HMCN1: variants seen among roughly 807,000 people sequenced by gnomAD.
The protein encoded by HMCN1 is hemicentin-1.
Under a neutral mutation model 625.9 loss-of-function variants are expected in HMCN1, and 321 were observed. The ratio of observed to expected loss-of-function variants is 0.51; its 90% CI spans 0.47 to 0.56. HMCN1 has a LOEUF of 0.56. HMCN1 is among the 20% of genes least tolerant of loss of function. The pLI, the probability that HMCN1 is intolerant of heterozygous loss-of-function variation, is 0.00. For missense variants in HMCN1, 6,588 were observed against 6,887.3 expected (o/e 0.96, Z 1.54); for synonymous variants, 2,425 against 2,417.6 (o/e 1.00, Z -0.09).
intron 8 of HMCN1, among the ~76,000 whole-genome samples, chr1:185,924,587 G>A (rs1214320681): frequency 6.6e-6 from 1 of 151,922 alleles, no homozygotes; most frequent in Non-Finnish European, 1.5e-5. Context: ...CCTCATATAC[G>A]ATATTCAAAT....
intron 1 of HMCN1, among the ~76,000 whole-genome samples, chr1:185,778,525 G>A (rs920173592): frequency 1.5e-5 from 2 of 130,046 alleles, no homozygotes; most frequent in South Asian, 2.4e-4. Context: ...TCCCCAGTGT[G>A]TGGTGTTCCC....
At position 185,995,036 on chromosome 1, in the gene HMCN1, G is replaced by T; in HGVS notation, c.3727G>T (p.Ala1243Ser). ...AGATGCTGGCATATATACATGTGTTGCTACTAACATAGCAGGCACTGATGA... is the reference window on the plus strand; with the variant it reads ...AGATGCTGGCATATATACATGTGTTTCTACTAACATAGCAGGCACTGATGA... ...PSDAGIYTCV[A>S]TNIAGTDETE... The change falls in exon 24 of 107, where the codon GCT (alanine) becomes TCT (serine). Residue 1243 changes from alanine (A) to serine (S), a missense_variant. Physicochemically the swap from Ala to Ser is moderately conservative, Grantham distance 99 (BLOSUM62 1). Around this residue, in one of 3 missense-constraint regions of HMCN1, gnomAD observed 4,628 missense variants for 4,853.1 expected, o/e 0.95. Transcript: ENST00000271588. 4 of 1,613,736 alleles carry T rather than the reference G, an allele frequency of 2.5e-6. No homozygotes were observed. Among genetic ancestry groups the T allele is most frequent in the Non-Finnish European group, 3.4e-6 (4 of 1,179,770 alleles).
At chr1:185,928,913 A>C (rs1457716539) in intron 10 of HMCN1, among the ~76,000 whole-genome samples, 1 of 152,190 alleles carries the variant, frequency 6.6e-6, no homozygotes. Context: ...CATAATAACA[A>C]GAACCGTCTC....
chr1:185,993,504 G>T, intron 23 of HMCN1, 195 bp downstream of exon 23: 1 of 561,834 alleles, frequency 1.8e-6, no homozygotes, highest in Non-Finnish European at 3.1e-6. Flanking sequence ...ACAATCTTCT[G>T]TTTCTTCCTT....
intron 4 of HMCN1, among the ~76,000 whole-genome samples, chr1:185,871,551 GT>G: frequency 6.6e-6 from 1 of 152,212 alleles, no homozygotes; most frequent in African/African-American, 2.4e-5. Flanking sequence ...TCTAGTGACC[GT>G]TTTTGGTTTT....
chr1:186,167,398 C>T (rs965440852), intron 100 of HMCN1, among the ~76,000 whole-genome samples: 1 of 152,152 alleles, frequency 6.6e-6, no homozygotes, highest in African/African-American at 2.4e-5. Flanking sequence ...TCCTATATAA[C>T]CCCTTCCCTC....
At chr1:186,074,166 C>A (rs1220635199) in intron 52 of HMCN1, among the ~76,000 whole-genome samples, 1 of 151,986 alleles carries the variant, frequency 6.6e-6, no homozygotes, top group Non-Finnish European at 1.5e-5. Context: ...GGCAATGTTA[C>A]TGATAAAACA....
rs199861342 is a variant in HMCN1, at chr1:185,799,098, TC to T, written c.269-46927del. Among the ~76,000 whole-genome samples, 1,055 of 151,148 alleles carry T rather than the reference TC, an allele frequency of 7.0e-3. 7 individuals carry two copies. The highest frequency in any genetic ancestry group is 0.018 in the African/African-American group (736 of 40,440). On this transcript the variant is annotated intron_variant, in intron 1 of 106. Coordinates refer to ENST00000271588, the MANE Select transcript of HMCN1 (RefSeq NM_031935.3). ...TTGTTTAGGGTCTTTTGGCCTTGGT[TC>T]TAAGGGTGCTTTTGGTGGCAAAGTA...
intron 1 of HMCN1, among the ~76,000 whole-genome samples, chr1:185,745,671 C>T: frequency 6.6e-6 from 1 of 152,188 alleles, no homozygotes; most frequent in East Asian, 1.9e-4. Context: ...AAGAGCCAGT[C>T]CTTGGTCAAT....
At chr1:186,095,648 TA>T (rs111491420) in intron 68 of HMCN1, 127 bp downstream of exon 68, 20 of 962,468 alleles carry the variant, frequency 2.1e-5, no homozygotes, top group Middle Eastern at 2.5e-4. Flanking sequence ...TATTGCATTT[TA>T]ATTTTTTTTA....
intron 14 of HMCN1, among the ~76,000 whole-genome samples, chr1:185,966,460 C>T (rs1264726096): frequency 6.6e-6 from 1 of 152,080 alleles, no homozygotes; most frequent in Non-Finnish European, 1.5e-5. Context: ...AAAGATTGCA[C>T]CTCTGTGATT....
At chr1:185,853,891 T>C (rs1409742263) in intron 2 of HMCN1, among the ~76,000 whole-genome samples, 1 of 152,194 alleles carries the variant, frequency 6.6e-6, no homozygotes, top group East Asian at 1.9e-4. Flanking sequence ...GGTAAATACA[T>C]GAGTCATTGC....
intron 4 of HMCN1, 120 bp from the exon 5 acceptor site, chr1:185,909,217 A>G: frequency 2.7e-6 from 2 of 741,784 alleles, no homozygotes; most frequent in Non-Finnish European, 4.7e-6. Context: ...ACCGAAATAA[A>G]TTTCACACCA....
At chr1:186,009,985 C>G (rs368194541) in intron 30 of HMCN1, among the ~76,000 whole-genome samples, 5 of 152,044 alleles carry the variant, frequency 3.3e-5, no homozygotes, top group Non-Finnish European at 7.4e-5. Context: ...AAATAGAGTT[C>G]GCGCTCCTAT....
chr1:185,888,792 GCT>G (rs1664847477), intron 4 of HMCN1, among the ~76,000 whole-genome samples: 1 of 144,550 alleles, frequency 6.9e-6, no homozygotes, highest in Admixed American at 6.7e-5. Context: ...GGCGATGCGG[GCT>G]CTTTTTTGGT....
At position 186,070,552 on chromosome 1, in the gene HMCN1, G is replaced by A. The variant is rs574109104; in HGVS notation, c.7994-60G>A. 1.2e-4 allele frequency: 175 copies of A among 1,403,962 alleles called. No homozygotes were observed. In the East Asian group the frequency reaches 3.9e-3, roughly 31 times the overall value. 87.0% of individuals were successfully genotyped at this position (1,403,962 alleles called of 1,614,324 possible). A position where few individuals can be genotyped will look rare whatever the true frequency, so the allele number is the denominator to read the frequency against. On this transcript the variant is annotated intron_variant, in intron 51 of 106. Transcript: ENST00000271588. Reference sequence around the variant, plus strand: ...ATAAGTAATCCTCAGTGTGATTTCTGTGGTATTCCATGTATTGAAAATAAC... The same window carrying A: ...ATAAGTAATCCTCAGTGTGATTTCTATGGTATTCCATGTATTGAAAATAAC...
chr1:186,068,529 G>T (rs1658270946), intron 50 of HMCN1, among the ~76,000 whole-genome samples: 1 of 152,170 alleles, frequency 6.6e-6, no homozygotes, highest in Non-Finnish European at 1.5e-5. Flanking sequence ...CATGGATTCT[G>T]AATAGTCAGG....
chr1:185,763,951 G>C (rs1006918907), intron 1 of HMCN1, among the ~76,000 whole-genome samples: 2 of 152,064 alleles, frequency 1.3e-5, no homozygotes, highest in Non-Finnish European at 2.9e-5. Context: ...CAAGTTTTTT[G>C]TTCAGGTCAA....
chr1:186,036,908 G>A (rs545641942), intron 36 of HMCN1, among the ~76,000 whole-genome samples: 16 of 152,062 alleles, frequency 1.1e-4, no homozygotes, highest in Non-Finnish European at 2.4e-4. Flanking sequence ...AAGTATTAAC[G>A]TGTCAAAAAG....
Sources: gnomAD v4.1 joint callset for allele counts (sites outside exome capture counted in the v4.1 genomes callset) on GRCh38, gnomAD v4.1.1 for gene constraint, gnomAD v4.1.1 regional missense constraint, MANE v1.5 for transcripts, NCBI Gene and HGNC (gene_info 2026-07-23, HGNC 2026-07-21) for gene names.